Variants in MTFMT observed in about 807,000 individuals in gnomAD.
The protein encoded by MTFMT is mitochondrial methionyl-tRNA formyltransferase.
A neutral mutation model predicts 51.8 loss-of-function variants in MTFMT; 47 were observed. The ratio of observed to expected loss-of-function variants is 0.91; its 90% CI spans 0.72 to 1.16. The LOEUF (loss-of-function observed/expected upper bound fraction) is 1.16, where lower values mean the gene tolerates loss of function less well. Ranked by LOEUF, MTFMT falls within the 50% of genes most tolerant of loss-of-function variation. MTFMT has a pLI of 0.00. For missense variants in MTFMT, 512 were observed against 482.3 expected (o/e 1.06, Z -0.58); for synonymous variants, 196 against 176.7 (o/e 1.11, Z -0.87).
At chr15:65,016,325 T>C in intron 6 of MTFMT, 111 bp downstream of exon 6, 4 of 650,492 alleles carry the variant, frequency 6.1e-6, no homozygotes, top group South Asian at 2.3e-5. Context: ...GATCAACCTT[T>C]TATTTGGGAT....
intron 3 of MTFMT, among the ~76,000 whole-genome samples, chr15:65,022,289 T>G (rs932915015): frequency 1.3e-5 from 2 of 151,950 alleles, no homozygotes; most frequent in African/African-American, 2.4e-5. Context: ...CTATCTCTAC[T>G]AAAAATACAA....
chr15:65,029,478 G>C lies in MTFMT; in HGVS notation c.136C>G (p.Pro46Ala). The change falls in exon 1 of 9, where the codon CCT becomes GCT. Residue 46 changes from proline to alanine, a missense_variant. Coordinates refer to ENST00000220058, the MANE Select transcript of MTFMT (RefSeq NM_139242.4). ...DCRDSRVREKPPWRVLFFGTD... is the reference protein window; with the variant it reads ...DCRDSRVREKAPWRVLFFGTD... The stretch of plus-strand genomic sequence containing the variant: ...CCGAAGAAGAGCACCCGCCAGGGAG[G>C]CTTCTCGCGGACTCTGGAGTCCCGG... The C allele has an allele frequency of 6.5e-7, 1 of 1,533,890 alleles. No individual in the cohort carries two copies. Among genetic ancestry groups the C allele is most frequent in the African/African-American group, 1.4e-5 (1 of 70,512 alleles).
At chr15:65,023,109 C>T (rs1401427309) in intron 3 of MTFMT, among the ~76,000 whole-genome samples, 3 of 152,116 alleles carry the variant, frequency 2.0e-5, no homozygotes, top group African/African-American at 7.2e-5. Context: ...GTGAATTATT[C>T]TTTTCTAAGG....
intron 3 of MTFMT, among the ~76,000 whole-genome samples, chr15:65,022,992 A>G (rs2086388189): frequency 6.6e-6 from 1 of 152,106 alleles, no homozygotes; most frequent in Non-Finnish European, 1.5e-5. Context: ...CCTGGCTCAG[A>G]TTTTAGAACT....
rs995041342 is a variant in MTFMT, at chr15:65,002,316, T to G, written c.*746A>C. ...TACTTGGGAGGCTGAGGCAGGAGAA[T>G]GGTGTGAACCCGGGAGGTGGAGCTT... is the stretch of plus-strand genomic sequence containing the variant. On this transcript the variant is annotated 3_prime_UTR_variant, in exon 9 of 9. Coordinates refer to ENST00000220058, the MANE Select transcript of MTFMT (RefSeq NM_139242.4). 1 of 151,652 alleles carries G rather than the reference T, an allele frequency of 6.6e-6. No individual in the cohort carries two copies. Among genetic ancestry groups the G allele is most frequent in the Non-Finnish European group, 1.5e-5 (1 of 67,960 alleles). The allele number at this position is 151,652 out of a possible 1,614,324, so 9.4% of individuals were successfully genotyped here.
chr15:65,021,656 A>G, intron 3 of MTFMT, 40 bp from the exon 4 acceptor site: 1 of 1,427,476 alleles, frequency 7.0e-7, no homozygotes, highest in Non-Finnish European at 9.8e-7. Flanking sequence ...AATGATTACC[A>G]TTTCCTGAAT....
intron 6 of MTFMT, among the ~76,000 whole-genome samples, chr15:65,013,420 C>T (rs1389431354): frequency 2.0e-5 from 3 of 151,984 alleles, no homozygotes; most frequent in African/African-American, 7.2e-5. Context: ...TGGCTTCTTT[C>T]ATTAAGTATG....
rs2086218879 is a variant in MTFMT, at chr15:65,006,294, G to C, written c.814-103C>G. 1.7e-5 allele frequency: 14 copies of C among 809,752 alleles called. No individual in the cohort carries two copies. In the Admixed American group the frequency reaches 2.9e-4, roughly 17 times the overall value. The allele number at this position is 809,752 out of a possible 1,614,324, so 50.2% of individuals were successfully genotyped here. A position where few individuals can be genotyped will look rare whatever the true frequency, so the allele number is the denominator to read the frequency against. On this transcript the variant is annotated intron_variant, in intron 6 of 8. Transcript: ENST00000220058. The stretch of plus-strand genomic sequence containing the variant: ...AATCTGGACTTTTCTTTCAATTAGA[G>C]GAATTGGGAACTCAGTCACTAAGTT...
At chr15:65,011,886 T>C (rs1034372007) in intron 6 of MTFMT, among the ~76,000 whole-genome samples, 5 of 152,250 alleles carry the variant, frequency 3.3e-5, no homozygotes, top group Non-Finnish European at 7.4e-5. Flanking sequence ...TTTAGTCTGA[T>C]TGCTTATGCT....
intron 4 of MTFMT, 92 bp downstream of exon 4, chr15:65,021,417 TAAGAA>T: frequency 1.1e-6 from 1 of 873,646 alleles, no homozygotes; most frequent in East Asian, 2.5e-5. Flanking sequence ...TTTTTGTTTT[TAAGAA>T]AATTAGAAGT....
intron 8 of MTFMT, among the ~76,000 whole-genome samples, chr15:65,004,263 C>A (rs1055663544): frequency 2.6e-5 from 4 of 152,112 alleles, no homozygotes; most frequent in South Asian, 2.1e-4. Context: ...GTGATCCACC[C>A]GCCTCAGCCT....
chr15:65,029,304 A>G lies in MTFMT; in HGVS notation c.209+101T>C. The G allele has an allele frequency of 3.8e-6, 5 of 1,328,672 alleles. No homozygotes were observed. In the African/African-American group the frequency reaches 6.2e-5, roughly 16 times the overall value. The allele number at this position is 1,328,672 out of a possible 1,614,324, so 82.3% of individuals were successfully genotyped here. On this transcript the variant is annotated intron_variant, in intron 1 of 8. Transcript: ENST00000220058. ...CTGGGCCCACACCGCTCTGCCGCCC[A>G]TGCTTTCCGCAACCAGAAGTCCAAA...
At chr15:65,014,232 CT>C (rs2086296398) in intron 6 of MTFMT, among the ~76,000 whole-genome samples, 1 of 151,944 alleles carries the variant, frequency 6.6e-6, no homozygotes, top group South Asian at 2.1e-4. Flanking sequence ...CAGAAAGAGG[CT>C]TTCCCCATCA....
chr15:65,005,543 G>A (rs552030537), intron 7 of MTFMT, among the ~76,000 whole-genome samples: 1 of 151,738 alleles, frequency 6.6e-6, no homozygotes, highest in East Asian at 1.9e-4. Context: ...CCTTAAGGCA[G>A]GAAATCACAG....
intron 8 of MTFMT, 37 bp from the exon 9 acceptor site, chr15:65,003,293 TG>T: frequency 6.5e-7 from 1 of 1,529,096 alleles, no homozygotes; most frequent in Non-Finnish European, 8.9e-7. Context: ...TAGGCAGGGG[TG>T]GCAAAACTAA....
At chr15:65,016,925 C>T (rs113941802) in intron 5 of MTFMT, among the ~76,000 whole-genome samples, 2,526 of 151,578 alleles carry the variant, frequency 0.017, 30 homozygotes, top group Admixed American at 0.024. Context: ...GGACTACAAG[C>T]GTGCACTACC....
At chr15:65,028,321 T>C (rs868699125) in intron 1 of MTFMT, among the ~76,000 whole-genome samples, 28 of 152,204 alleles carry the variant, frequency 1.8e-4, no homozygotes, top group African/African-American at 6.5e-4. Flanking sequence ...GAAGCTGAGA[T>C]GGGATGATTG....
At chr15:65,006,216 T>C in intron 6 of MTFMT, 25 bp from the exon 7 acceptor site, 1 of 1,587,510 alleles carries the variant, frequency 6.3e-7, no homozygotes, top group Non-Finnish European at 8.6e-7. Context: ...AAAGAAGGTA[T>C]GATAAAGGAA....
chr15:65,004,795 G>T, intron 8 of MTFMT, 59 bp downstream of exon 8: 1 of 1,134,592 alleles, frequency 8.8e-7, no homozygotes, highest in Non-Finnish European at 1.3e-6. Context: ...AATAATAAAT[G>T]ATACAGACTA....
Sources: gnomAD v4.1 joint callset for allele counts (sites outside exome capture counted in the v4.1 genomes callset) on GRCh38, gnomAD v4.1.1 for gene constraint, MANE v1.5 for transcripts, NCBI Gene and HGNC (gene_info 2026-07-23, HGNC 2026-07-21) for gene names.